The following PEX14 variants were observed in gnomAD, a reference collection of about 807,000 sequenced individuals.
PEX14 encodes peroxisomal biogenesis factor 14.
PEX14 carries 15 observed loss-of-function variants against 49.5 expected under a neutral mutation model. That is an observed-to-expected ratio of 0.30 (90% CI 0.20 to 0.47). PEX14 has a LOEUF of 0.47. Among genes scored for constraint, PEX14 ranks in the 20% least tolerant of loss-of-function variants. The pLI is 1.00. For synonymous variants in PEX14, 210 were observed against 212.7 expected, an observed-to-expected ratio of 0.99 and a Z score of 0.11; for missense variants, 398 against 494.8, an observed-to-expected ratio of 0.80 and a Z score of 1.86.
intron 4 of PEX14, chr1:10,617,258 T>G (rs1334034185): frequency 6.6e-6 from 1 of 152,392 alleles, no homozygotes; most frequent in Non-Finnish European, 1.5e-5. Flanking sequence ...CTGGTCCCAG[T>G]CCCTCTCCAC....
At chr1:10,569,311 G>A (rs929983415) in intron 3 of PEX14, among the ~76,000 whole-genome samples, 2 of 151,984 alleles carry the variant, frequency 1.3e-5, no homozygotes, top group Non-Finnish European at 2.9e-5. Context: ...TGGGGATGGG[G>A]CAGATTGCTT....
At chr1:10,510,212 C>T (rs1167683521) in intron 2 of PEX14, among the ~76,000 whole-genome samples, 5 of 152,238 alleles carry the variant, frequency 3.3e-5, no homozygotes, top group African/African-American at 7.2e-5. Flanking sequence ...CATCCCTACA[C>T]GTGCTGCTGG....
intron 1 of PEX14, among the ~76,000 whole-genome samples, chr1:10,477,889 A>G (rs559742165): frequency 3.3e-5 from 5 of 152,128 alleles, no homozygotes; most frequent in African/African-American, 1.2e-4. Context: ...TGAGTTATTT[A>G]TTTATTTATT....
chr1:10,543,541 C>T (rs767710922), intron 3 of PEX14, among the ~76,000 whole-genome samples: 5 of 152,024 alleles, frequency 3.3e-5, no homozygotes, highest in Admixed American at 6.6e-5. Context: ...ATGTGCCAGT[C>T]GCTGGATTGG....
intron 3 of PEX14, among the ~76,000 whole-genome samples, chr1:10,567,059 G>A (rs543126212): frequency 1.3e-4 from 20 of 152,320 alleles, no homozygotes; most frequent in Middle Eastern, 3.4e-3. Context: ...AAAAGCAGCC[G>A]TTGACAGTGT....
At chr1:10,486,757 G>A (rs1021592517) in intron 1 of PEX14, among the ~76,000 whole-genome samples, 53 of 148,560 alleles carry the variant, frequency 3.6e-4, no homozygotes, top group Non-Finnish European at 7.0e-4. Context: ...GCGCGATCTC[G>A]GCTCACTGCA....
intron 2 of PEX14, among the ~76,000 whole-genome samples, chr1:10,524,985 C>T (rs749893564): frequency 2.6e-5 from 4 of 152,204 alleles, no homozygotes; most frequent in South Asian, 2.1e-4. Flanking sequence ...CCACCATGCC[C>T]GGCCGGATCA....
In PEX14 at chr1:10,585,653, C is replaced by T. The variant is rs111781145; in HGVS notation, c.170-13585C>T. On this transcript the variant is annotated intron_variant, in intron 3 of 8. Transcript: ENST00000356607. ...AGAATCAGAAGGCCAGGCGTGGTGG[C>T]TCACACCTATAATCCCAGCACTTCG... 4.3e-3 allele frequency among the ~76,000 whole-genome samples: 649 copies of T among 152,338 alleles called. 2 individuals are homozygous for T. Among genetic ancestry groups the T allele is most frequent in the Non-Finnish European group, 7.5e-3 (512 of 68,028 alleles).
At chr1:10,555,640 T>TGA (rs1252696724) in intron 3 of PEX14, among the ~76,000 whole-genome samples, 1 of 70,874 alleles carries the variant, frequency 1.4e-5, no homozygotes, top group Non-Finnish European at 2.9e-5. Context: ...CGGCAAGGTG[T>TGA]GAGTGTGTGT....
chr1:10,518,343 G>A (rs1642006837), intron 2 of PEX14, among the ~76,000 whole-genome samples: 1 of 152,154 alleles, frequency 6.6e-6, no homozygotes, highest in Admixed American at 6.5e-5. Flanking sequence ...CTGCAAGACT[G>A]AACAGCTACA....
At chr1:10,477,775 G>A (rs552995770) in intron 1 of PEX14, among the ~76,000 whole-genome samples, 1 of 152,312 alleles carries the variant, frequency 6.6e-6, no homozygotes, top group Non-Finnish European at 1.5e-5. Flanking sequence ...TACCAGCAAT[G>A]TCATCTCGGA....
At chr1:10,549,372 A>T (rs1175176055) in intron 3 of PEX14, among the ~76,000 whole-genome samples, 1 of 152,178 alleles carries the variant, frequency 6.6e-6, no homozygotes, top group Non-Finnish European at 1.5e-5. Flanking sequence ...CTAATTGCAA[A>T]ATTTGGGGTC....
chr1:10,496,649 C>G (rs1402680769), intron 2 of PEX14, among the ~76,000 whole-genome samples: 1 of 152,136 alleles, frequency 6.6e-6, no homozygotes, highest in African/African-American at 2.4e-5. Flanking sequence ...TTTGGGAGCC[C>G]TGAGCAGTTG....
chr1:10,527,018 C>T (rs1033640282), intron 2 of PEX14, among the ~76,000 whole-genome samples: 1 of 151,784 alleles, frequency 6.6e-6, no homozygotes, highest in African/African-American at 2.4e-5. Context: ...GTTCGAGACC[C>T]GCCTGGCCAA....
chr1:10,620,291 C>CAATAAAATAAAATAA (rs59926174), intron 5 of PEX14, among the ~76,000 whole-genome samples: 4,409 of 142,338 alleles, frequency 0.031, 93 homozygotes, highest in East Asian at 0.1. Flanking sequence ...CTCTACCAAA[C>CAATAAAATAAAATAA]AATAAAATAA....
At chr1:10,586,628 CTTTTTTTTTTTT>C (rs35743829) in intron 3 of PEX14, among the ~76,000 whole-genome samples, 14 of 93,014 alleles carry the variant, frequency 1.5e-4, no homozygotes, top group Admixed American at 6.9e-4. Context: ...AGCCGTTTAC[CTTTTTTTTTTTT>C]TTTTTTTTTT....
intron 3 of PEX14, among the ~76,000 whole-genome samples, chr1:10,590,282 G>T (rs903748726): frequency 2.6e-5 from 4 of 152,248 alleles, no homozygotes; most frequent in Non-Finnish European, 1.5e-5. Context: ...CCTGCACAGG[G>T]TTAGCGTGGA....
intron 3 of PEX14, among the ~76,000 whole-genome samples, chr1:10,576,520 T>C (rs1343838688): frequency 2.0e-5 from 3 of 152,242 alleles, no homozygotes; most frequent in Non-Finnish European, 1.5e-5. Flanking sequence ...GTTTACGTTT[T>C]TATATTTAAC....
intron 2 of PEX14, among the ~76,000 whole-genome samples, chr1:10,518,662 G>C (rs888477287): frequency 6.6e-6 from 1 of 152,108 alleles, no homozygotes; most frequent in African/African-American, 2.4e-5. Context: ...TTAGCAGAGT[G>C]GTTTTGTGAA....
Sources: gnomAD v4.1 joint callset for allele counts (sites outside exome capture counted in the v4.1 genomes callset) on GRCh38, gnomAD v4.1.1 for gene constraint, MANE v1.5 for transcripts, NCBI Gene and HGNC (gene_info 2026-07-23, HGNC 2026-07-21) for gene names.